AGMO: variants seen among roughly 807,000 people sequenced by gnomAD.
The protein encoded by AGMO is alkylglycerol monooxygenase.
Under a neutral mutation model 60.2 loss-of-function variants are expected in AGMO, and 75 were observed. The ratio of observed to expected loss-of-function variants is 1.25; its 90% CI spans 1.03 to 1.51. The LOEUF (loss-of-function observed/expected upper bound fraction) is 1.51. AGMO is among the 40% of genes most tolerant of loss of function. AGMO has a pLI of 0.00. For missense variants in AGMO, 763 were observed against 525.5 expected (o/e 1.45, Z -4.42); for synonymous variants, 261 against 177.1 (o/e 1.47, Z -3.76).
intron 12 of AGMO, among the ~76,000 whole-genome samples, chr7:15,341,739 A>G (rs998772129): frequency 6.6e-6 from 1 of 152,170 alleles, no homozygotes; most frequent in African/African-American, 2.4e-5. Flanking sequence ...AACAAGGTTT[A>G]ATGGACTCAC....
At chr7:15,558,735 T>C (rs920765905) in intron 2 of AGMO, among the ~76,000 whole-genome samples, 1 of 152,130 alleles carries the variant, frequency 6.6e-6, no homozygotes, top group African/African-American at 2.4e-5. Context: ...TCTCAAACAC[T>C]TATTGAAAAA....
chr7:15,248,202 A>ATATC (rs1454392631), intron 12 of AGMO, among the ~76,000 whole-genome samples: 1 of 93,040 alleles, frequency 1.1e-5, no homozygotes, highest in East Asian at 3.3e-4. Context: ...ATATATATAT[A>ATATC]TATATATATA....
chr7:15,226,791 TTACAGATA>T (rs1474336170), intron 12 of AGMO, among the ~76,000 whole-genome samples: 1 of 152,036 alleles, frequency 6.6e-6, no homozygotes, highest in African/African-American at 2.4e-5. Flanking sequence ...ATCTTGAAAA[TTACAGATA>T]TAACTCACTA....
At chr7:15,183,648 T>C in the AGMO span, among the ~76,000 whole-genome samples, 1,165 of 152,282 alleles carry the variant, frequency 7.7e-3, 18 homozygotes, top group African/African-American at 0.027. Flanking sequence ...TAAGTCTCAG[T>C]TTCCTCAACT....
At chr7:15,337,283 G>C (rs1781693574) in intron 12 of AGMO, among the ~76,000 whole-genome samples, 2 of 152,100 alleles carry the variant, frequency 1.3e-5, no homozygotes, top group South Asian at 4.1e-4. Context: ...AAGAAGGAAG[G>C]CCTTAAGCCA....
intron 3 of AGMO, among the ~76,000 whole-genome samples, chr7:15,534,497 A>G (rs961412311): frequency 6.6e-6 from 1 of 152,012 alleles, no homozygotes; most frequent in African/African-American, 2.4e-5. Flanking sequence ...CTATTCATCT[A>G]GGAAGAGATC....
intron 12 of AGMO, among the ~76,000 whole-genome samples, chr7:15,267,444 G>C (rs757414917): frequency 6.6e-6 from 1 of 151,958 alleles, no homozygotes; most frequent in African/African-American, 2.4e-5. Flanking sequence ...AAATGCATCA[G>C]AATGATTACA....
intron 10 of AGMO, among the ~76,000 whole-genome samples, chr7:15,383,459 A>G (rs979639334): frequency 9.9e-5 from 15 of 151,648 alleles, no homozygotes; most frequent in African/African-American, 2.9e-4. Context: ...ACTCCTGCCT[A>G]AAAGTCCTGC....
intron 12 of AGMO, among the ~76,000 whole-genome samples, chr7:15,251,889 G>A (rs552367215): frequency 1.3e-5 from 2 of 152,288 alleles, no homozygotes; most frequent in Admixed American, 6.5e-5. Flanking sequence ...CTTGCAAGAG[G>A]CATGCTAGTT....
At chr7:15,340,640 A>T (rs1781814339) in intron 12 of AGMO, among the ~76,000 whole-genome samples, 1 of 152,206 alleles carries the variant, frequency 6.6e-6, no homozygotes, top group African/African-American at 2.4e-5. Flanking sequence ...AAGCCTTGGC[A>T]GCTCCATGTG....
At chr7:15,366,698 TAC>T (rs1782997811) in intron 10 of AGMO, among the ~76,000 whole-genome samples, 1 of 152,200 alleles carries the variant, frequency 6.6e-6, no homozygotes, top group South Asian at 2.1e-4. Flanking sequence ...ATTACACATA[TAC>T]ACTCATATTT....
chr7:15,256,246 A>T (rs548424235), intron 12 of AGMO, among the ~76,000 whole-genome samples: 70 of 152,388 alleles, frequency 4.6e-4, no homozygotes, highest in Non-Finnish European at 4.6e-4. Context: ...GAACATCTCC[A>T]TGTACAGTCA....
intron 12 of AGMO, among the ~76,000 whole-genome samples, chr7:15,219,493 A>G (rs1420949404): frequency 6.7e-6 from 1 of 149,788 alleles, no homozygotes; most frequent in African/African-American, 2.4e-5. Context: ...AAAAAAGACA[A>G]TTTTTTTTTT....
intron 3 of AGMO, among the ~76,000 whole-genome samples, chr7:15,455,442 G>A (rs1583570547): frequency 6.6e-6 from 1 of 152,096 alleles, no homozygotes; most frequent in Non-Finnish European, 1.5e-5. Flanking sequence ...ATGACTCTCA[G>A]GTTGGCTTCA....
intron 2 of AGMO, among the ~76,000 whole-genome samples, 183 bp from the exon 3 acceptor site, chr7:15,545,106 A>C (rs1481415169): frequency 6.6e-6 from 1 of 152,130 alleles, no homozygotes; most frequent in Non-Finnish European, 1.5e-5. Context: ...AAAATCATTC[A>C]CAGGAAGCTT....
At chr7:15,171,629 C>A in the AGMO span, among the ~76,000 whole-genome samples, 1 of 152,126 alleles carries the variant, frequency 6.6e-6, no homozygotes, top group African/African-American at 2.4e-5. Context: ...CTTTCTTTCA[C>A]TAAACAATTT....
At chr7:15,454,469 A>T (rs1781945855) in intron 3 of AGMO, among the ~76,000 whole-genome samples, 1 of 152,140 alleles carries the variant, frequency 6.6e-6, no homozygotes, top group African/African-American at 2.4e-5. Flanking sequence ...ACTATGTATA[A>T]CAAAACACCA....
At chr7:15,190,123 A>AGC in the AGMO span, among the ~76,000 whole-genome samples, 8 of 1,692 alleles carry the variant, frequency 4.7e-3, no homozygotes, top group Admixed American at 0.013. Flanking sequence ...ATATATATAT[A>AGC]TATTTATATA....
intron 5 of AGMO, among the ~76,000 whole-genome samples, chr7:15,402,671 T>C (rs1207894395): frequency 6.8e-6 from 1 of 148,060 alleles, no homozygotes; most frequent in Non-Finnish European, 1.5e-5. Flanking sequence ...TATATACAAA[T>C]ATATTTAATA....
Sources: allele counts gnomAD v4.1 joint callset (sites outside exome capture counted in the v4.1 genomes callset), GRCh38; gene constraint gnomAD v4.1.1; transcripts MANE v1.5; gene names NCBI Gene and HGNC (gene_info 2026-07-23, HGNC 2026-07-21).